The following SLC4A5 variants were observed in gnomAD, a reference collection of about 807,000 sequenced individuals.
SLC4A5 encodes the protein solute carrier family 4 member 5, also known as electrogenic sodium bicarbonate cotransporter 4.
A neutral mutation model predicts 120.4 loss-of-function variants in SLC4A5; 96 were observed. The observed-to-expected ratio is 0.80, with a 90% CI of 0.68 to 0.94. The LOEUF is 0.94. Ranked by LOEUF, SLC4A5 falls within the 40% of genes least tolerant of loss-of-function variation. The pLI, the probability that SLC4A5 is intolerant of heterozygous loss-of-function variation, is 0.00. For synonymous variants in SLC4A5, 550 were observed against 571.1 expected, an observed-to-expected ratio of 0.96 and a Z score of 0.53; for missense variants, 1,259 against 1,459.5, an observed-to-expected ratio of 0.86 and a Z score of 2.24.
At chr2:74,234,116 T>A (rs1670189283) in intron 22 of SLC4A5, among the ~76,000 whole-genome samples, 2 of 151,270 alleles carry the variant, frequency 1.3e-5, no homozygotes, top group South Asian at 4.2e-4. Flanking sequence ...GGGTAAGTTC[T>A]AGAATCTGGA....
intron 7 of SLC4A5, among the ~76,000 whole-genome samples, chr2:74,302,178 A>T (rs1333175454): frequency 2.0e-5 from 3 of 152,108 alleles, no homozygotes; most frequent in African/African-American, 7.2e-5. Flanking sequence ...AGCTTATGAG[A>T]CATGGCCTAC....
intron 4 of SLC4A5, among the ~76,000 whole-genome samples, chr2:74,329,691 T>G (rs945001215): frequency 2.7e-5 from 4 of 150,872 alleles, no homozygotes; most frequent in Non-Finnish European, 5.9e-5. Flanking sequence ...ATGAGGTTCA[T>G]GTAGAGAGAG....
At chr2:74,335,797 C>A (rs150493047) in intron 3 of SLC4A5, among the ~76,000 whole-genome samples, 1 of 152,118 alleles carries the variant, frequency 6.6e-6, no homozygotes, top group Non-Finnish European at 1.5e-5. Flanking sequence ...TATGAGGACA[C>A]GTGGCAAAAC....
chr2:74,244,784 C>G (rs764700942), intron 19 of SLC4A5, among the ~76,000 whole-genome samples: 1 of 152,100 alleles, frequency 6.6e-6, no homozygotes. Context: ...TAGGAGGCTA[C>G]GAATTTGTAT....
chr2:74,242,891 T>G (rs1670492329), intron 19 of SLC4A5, among the ~76,000 whole-genome samples: 3 of 152,206 alleles, frequency 2.0e-5, no homozygotes, highest in African/African-American at 7.2e-5. Flanking sequence ...TGACCTCAAG[T>G]GATCTGCCTA....
At chr2:74,308,266 C>T (rs1036491013) in intron 6 of SLC4A5, among the ~76,000 whole-genome samples, 13 of 152,164 alleles carry the variant, frequency 8.5e-5, no homozygotes, top group Admixed American at 7.9e-4. Flanking sequence ...CTGGTTCGGA[C>T]GACAAGACTA....
intron 25 of SLC4A5, among the ~76,000 whole-genome samples, chr2:74,229,295 G>T (rs1694978202): frequency 6.6e-6 from 1 of 150,720 alleles, no homozygotes; most frequent in Non-Finnish European, 1.5e-5. Context: ...TCTTGCCCAG[G>T]CTGGAGTGCA....
chr2:74,285,992 A>G lies in SLC4A5; in HGVS notation c.272-90T>C, dbSNP rs1240304373. The G allele has an allele frequency of 3.6e-6, 5 of 1,401,696 alleles. No homozygotes were observed. The African/African-American group carries it at 7.3e-5, about 20-fold the overall frequency. The allele number at this position is 1,401,696 out of a possible 1,614,324, so 86.8% of individuals were successfully genotyped here. On this transcript the variant is annotated intron_variant, in intron 7 of 30. Transcript: ENST00000394019. Reference sequence around the variant, plus strand: ...CAGAAATGGAGTAGGAGGCAAGCACAAGGGAAAAGTATTTTCTAATTCTGT... The same window carrying G: ...CAGAAATGGAGTAGGAGGCAAGCACGAGGGAAAAGTATTTTCTAATTCTGT...
rs772814744 is a variant in SLC4A5 at position 74,221,427 on chromosome 2, T to G, written c.*33+7A>C. ...AATACGCAAGGAGTCTACCTAACAG[T>G]GTTTACCTTCGGTCAAGTTCTGTGT... is the stretch of plus-strand genomic sequence containing the variant. On this transcript the variant is annotated splice_region_variant and intron_variant, in intron 30 of 30. Transcript: ENST00000394019. The G allele has an allele frequency of 3.1e-5, 49 of 1,602,914 alleles. No homozygotes were observed. The highest frequency in any genetic ancestry group is 4.1e-5 in the Non-Finnish European group (48 of 1,169,926).
At chr2:74,288,693 T>C (rs551304661) in intron 7 of SLC4A5, among the ~76,000 whole-genome samples, 11 of 152,326 alleles carry the variant, frequency 7.2e-5, no homozygotes, top group Middle Eastern at 3.4e-3. Context: ...TGTCATTTTA[T>C]AAATGAGGTC....
intron 5 of SLC4A5, among the ~76,000 whole-genome samples, chr2:74,322,024 G>C (rs552414882): frequency 2.0e-5 from 3 of 152,024 alleles, no homozygotes; most frequent in Non-Finnish European, 2.9e-5. Context: ...TTTCTTGCAC[G>C]GACCTTGAGA....
intron 8 of SLC4A5, among the ~76,000 whole-genome samples, chr2:74,273,192 G>A (rs913504057): frequency 6.6e-6 from 1 of 152,212 alleles, no homozygotes; most frequent in South Asian, 2.1e-4. Context: ...AGTTAGATAA[G>A]AGTAAAATCT....
chr2:74,290,619 A>AAGAGAGAGAGAGAGAG (rs1573067714), intron 7 of SLC4A5: 1 of 910,566 alleles, frequency 1.1e-6, no homozygotes, highest in East Asian at 1.8e-4. Context: ...AGAGACAGAG[A>AAGAGAGAGAGAGAGAG]AGTGAGAGAG....
Position 74,218,794 on chromosome 2 carries a change from T to C in SLC4A5, c.*34-2A>G, listed in dbSNP as rs1694520197. The C allele has an allele frequency of 6.5e-6, 1 of 152,688 alleles. No homozygotes were observed. Among genetic ancestry groups the C allele is most frequent in the Admixed American group, 6.5e-5 (1 of 15,288 alleles). 9.5% of individuals were successfully genotyped at this position (152,688 alleles called of 1,614,324 possible). A position where few individuals can be genotyped will look rare whatever the true frequency, so the allele number is the denominator to read the frequency against. ...GATATTTTGAAGTGCAAGGTGATGC[T>C]GAACGAGAAGTAGGAAAGAAGGATT... On this transcript the variant is annotated splice_acceptor_variant, in intron 30 of 30. Coordinates refer to ENST00000394019, the Ensembl canonical transcript of SLC4A5. LOFTEE classifies it low-confidence loss of function (3UTR_SPLICE).
intron 7 of SLC4A5, among the ~76,000 whole-genome samples, chr2:74,288,671 C>T (rs181498286): frequency 1.3e-5 from 2 of 152,282 alleles, no homozygotes; most frequent in East Asian, 1.9e-4. Flanking sequence ...GGCTAGCTCA[C>T]GTTATTTGTG....
intron 28 of SLC4A5, among the ~76,000 whole-genome samples, chr2:74,224,561 G>A (rs990728614): frequency 2.6e-5 from 4 of 152,158 alleles, no homozygotes; most frequent in South Asian, 2.1e-4. Flanking sequence ...CTGTGATCAC[G>A]GCCGTAAAGC....
chr2:74,307,256 G>T, intron 6 of SLC4A5: 1 of 514,252 alleles, frequency 1.9e-6, no homozygotes. Context: ...AATCATATTG[G>T]GCCCAGATGT....
intron 27 of SLC4A5, among the ~76,000 whole-genome samples, chr2:74,226,070 G>A (rs894881962): frequency 3.3e-5 from 5 of 152,188 alleles, no homozygotes; most frequent in Admixed American, 2.6e-4. Flanking sequence ...TGCAGTGGGG[G>A]TTCTCAACCC....
chr2:74,286,015 T>C (rs1671971203), intron 7 of SLC4A5, 113 bp from the exon 8 acceptor site: 8 of 1,278,516 alleles, frequency 6.3e-6, no homozygotes, highest in Non-Finnish European at 8.3e-6. Flanking sequence ...TTTCTAATTC[T>C]GTAAAACTAA....
Sources: allele counts gnomAD v4.1 joint callset (sites outside exome capture counted in the v4.1 genomes callset), GRCh38; gene constraint gnomAD v4.1.1; transcripts MANE v1.5; gene names NCBI Gene and HGNC (gene_info 2026-07-23, HGNC 2026-07-21).